The following SSBP3 variants were observed in gnomAD, a reference collection of about 807,000 sequenced individuals.
SSBP3 encodes single-stranded DNA-binding protein 3.
SSBP3 carries 5 observed loss-of-function variants against 69.6 expected under a neutral mutation model. The ratio of observed to expected loss-of-function variants is 0.07; its 90% CI spans 0.04 to 0.15. The LOEUF (loss-of-function observed/expected upper bound fraction) is 0.15. Among genes scored for constraint, SSBP3 ranks in the 10% least tolerant of loss-of-function variants. The pLI is 1.00. For synonymous variants in SSBP3, 196 were observed against 193.4 expected (o/e 1.01, Z -0.11); for missense variants, 312 against 534.0 (o/e 0.58, Z 4.10).
At chr1:54,273,248 T>C (rs1394570337) in intron 5 of SSBP3, among the ~76,000 whole-genome samples, 2 of 152,240 alleles carry the variant, frequency 1.3e-5, no homozygotes, top group Non-Finnish European at 2.9e-5. Context: ...CGGCGCTACA[T>C]GTGGAGTTCA....
intron 4 of SSBP3, among the ~76,000 whole-genome samples, chr1:54,311,971 C>T (rs529207023): frequency 6.6e-6 from 1 of 152,246 alleles, no homozygotes; most frequent in East Asian, 1.9e-4. Context: ...CCCAAGACTG[C>T]CTCTCTCCAG....
intron 5 of SSBP3, among the ~76,000 whole-genome samples, chr1:54,276,260 T>A (rs1158813255): frequency 1.3e-5 from 2 of 152,098 alleles, no homozygotes; most frequent in Admixed American, 1.3e-4. Flanking sequence ...GAGAAGGCAG[T>A]CTTTAACCCT....
exon 18 of SSBP3, chr1:54,226,569 T>C (rs1287028381): frequency 6.4e-6 from 1 of 155,608 alleles, no homozygotes; most frequent in Non-Finnish European, 1.4e-5. Context: ...CTACAGACAA[T>C]GTGGGCTCTC....
chr1:54,256,166 C>A (rs149446273), intron 7 of SSBP3, among the ~76,000 whole-genome samples: 2,190 of 151,816 alleles, frequency 0.014, 42 homozygotes, highest in African/African-American at 0.05. Context: ...CTTGCAGAGC[C>A]CTGAGAATGA....
intron 14 of SSBP3, chr1:54,238,451 C>T: frequency 5.1e-6 from 2 of 390,926 alleles, no homozygotes; most frequent in South Asian, 2.0e-5. Flanking sequence ...GGAAGGGTTG[C>T]CTGTGGAGGG....
At chr1:54,396,981 G>A (rs912580290) in intron 4 of SSBP3, among the ~76,000 whole-genome samples, 8 of 152,210 alleles carry the variant, frequency 5.3e-5, no homozygotes, top group Non-Finnish European at 1.2e-4. Flanking sequence ...AGCCTCTGGG[G>A]TTAAGAGGAA....
At chr1:54,361,732 C>T (rs754749827) in intron 4 of SSBP3, among the ~76,000 whole-genome samples, 7 of 152,108 alleles carry the variant, frequency 4.6e-5, no homozygotes, top group Non-Finnish European at 7.3e-5. Context: ...AAGCAGCAGA[C>T]AGATGTGACA....
intron 4 of SSBP3, among the ~76,000 whole-genome samples, chr1:54,325,117 A>C (rs982784644): frequency 3.3e-5 from 5 of 152,196 alleles, no homozygotes; most frequent in African/African-American, 4.8e-5. Flanking sequence ...GATATCATCT[A>C]CTGCAGTTCC....
At chr1:54,267,726 C>A (rs1356445816) in intron 5 of SSBP3, among the ~76,000 whole-genome samples, 3 of 152,154 alleles carry the variant, frequency 2.0e-5, no homozygotes, top group Non-Finnish European at 2.9e-5. Flanking sequence ...AAGGAAATGG[C>A]AATACGATCT....
intron 4 of SSBP3, among the ~76,000 whole-genome samples, chr1:54,378,773 T>TG (rs895407764): frequency 6.6e-6 from 1 of 151,514 alleles, no homozygotes; most frequent in African/African-American, 2.4e-5. Flanking sequence ...AAGGAACCGC[T>TG]GGGGGAGGGG....
chr1:54,323,767 ACTGT>A (rs1646255294), intron 4 of SSBP3, among the ~76,000 whole-genome samples: 1 of 152,156 alleles, frequency 6.6e-6, no homozygotes. Flanking sequence ...TGCCCCAGAG[ACTGT>A]CTGACTCTAA....
intron 4 of SSBP3, among the ~76,000 whole-genome samples, chr1:54,361,138 AG>A (rs1345464758): frequency 6.6e-6 from 1 of 152,136 alleles, no homozygotes; most frequent in Non-Finnish European, 1.5e-5. Flanking sequence ...GTTTGCATAG[AG>A]AGTGAGCCTC....
At chr1:54,351,479 T>C (rs1233434302) in intron 4 of SSBP3, among the ~76,000 whole-genome samples, 1 of 152,170 alleles carries the variant, frequency 6.6e-6, no homozygotes, top group African/African-American at 2.4e-5. Context: ...CCCACCTACC[T>C]CCTGGGCCAA....
At chr1:54,360,301 G>C (rs1470568371) in intron 4 of SSBP3, among the ~76,000 whole-genome samples, 4 of 152,160 alleles carry the variant, frequency 2.6e-5, no homozygotes, top group African/African-American at 9.7e-5. Flanking sequence ...ACCTCCACTT[G>C]AGCTCCCCGA....
intron 4 of SSBP3, among the ~76,000 whole-genome samples, chr1:54,303,123 A>C (rs1201728014): frequency 6.6e-6 from 1 of 152,224 alleles, no homozygotes. Flanking sequence ...ACACCGCGCT[A>C]ATTACACAGC....
intron 5 of SSBP3, among the ~76,000 whole-genome samples, chr1:54,269,374 C>T (rs1037915453): frequency 6.6e-6 from 1 of 152,122 alleles, no homozygotes; most frequent in Non-Finnish European, 1.5e-5. Context: ...CTTCTGCTCA[C>T]CACTGGACTC....
intron 13 of SSBP3, among the ~76,000 whole-genome samples, chr1:54,240,047 GGTGTGTGTGTGT>G (rs71066910): frequency 9.0e-5 from 7 of 77,810 alleles, no homozygotes; most frequent in East Asian, 6.1e-4. Flanking sequence ...ATTGTGATGG[GGTGTGTGTGTGT>G]GTGTGTGTGT....
intron 5 of SSBP3, among the ~76,000 whole-genome samples, chr1:54,263,803 G>T (rs1391749441): frequency 6.6e-6 from 1 of 152,188 alleles, no homozygotes; most frequent in East Asian, 1.9e-4. Flanking sequence ...GAGGCAGCAG[G>T]CGACCACACT....
At chr1:54,244,435 T>C (rs1465230302) in intron 9 of SSBP3, among the ~76,000 whole-genome samples, 3 of 150,776 alleles carry the variant, frequency 2.0e-5, no homozygotes, top group Non-Finnish European at 4.4e-5. Context: ...TTTGTAGAGA[T>C]GGGGTCTCCC....
Sources: allele counts gnomAD v4.1 joint callset (sites outside exome capture counted in the v4.1 genomes callset), GRCh38; gene constraint gnomAD v4.1.1; transcripts MANE v1.5; gene names NCBI Gene and HGNC (gene_info 2026-07-23, HGNC 2026-07-21).